ANKRD36C: variants seen among roughly 807,000 people sequenced by gnomAD.
The protein encoded by ANKRD36C is ankyrin repeat domain 36C.
A neutral mutation model predicts 276.4 loss-of-function variants in ANKRD36C; 61 were observed. That is an observed-to-expected ratio of 0.22 (90% CI 0.18 to 0.27). The LOEUF is 0.27. Ranked by LOEUF, ANKRD36C falls within the 10% of genes least tolerant of loss-of-function variation. The probability of loss-of-function intolerance (pLI) is 1.00; values close to 1 mark genes in which losing one functional copy is unlikely to be tolerated. For synonymous variants in ANKRD36C, 483 were observed against 680.1 expected, an observed-to-expected ratio of 0.71 and a Z score of 4.51; for missense variants, 1,447 against 2,032.3, an observed-to-expected ratio of 0.71 and a Z score of 5.54.
intron 36 of ANKRD36C, among the ~76,000 whole-genome samples, chr2:95,917,471 G>C (rs1677134315): frequency 6.6e-6 from 1 of 151,498 alleles, no homozygotes; most frequent in Admixed American, 6.6e-5. Flanking sequence ...TCAGTTTTCT[G>C]TCTTTTCTCA....
In ANKRD36C at chr2:95,944,067, C is replaced by G. The variant is rs192424655; in HGVS notation, c.1491+560G>C. On this transcript the variant is annotated intron_variant, in intron 19 of 66. Transcript: ENST00000456556. ...TCTTCCAATACTTTATTAAAATCACCCGTAAGTCACTCAGAAGAATCTGAG... is the reference window on the plus strand; with the variant it reads ...TCTTCCAATACTTTATTAAAATCACGCGTAAGTCACTCAGAAGAATCTGAG... Among the ~76,000 whole-genome samples the G allele has an allele frequency of 2.6e-3, 397 of 152,106 alleles. 4 individuals carry two copies. The highest frequency in any genetic ancestry group is 0.021 in the Middle Eastern group (6 of 292).
At chr2:95,956,490 C>G (rs1036674414) in intron 13 of ANKRD36C, among the ~76,000 whole-genome samples, 23 of 152,200 alleles carry the variant, frequency 1.5e-4, no homozygotes, top group African/African-American at 5.1e-4. Flanking sequence ...TGCTTAGGGG[C>G]AAATGAAGTG....
chr2:95,965,455 T>C (rs1211119777), intron 6 of ANKRD36C, among the ~76,000 whole-genome samples: 2 of 152,170 alleles, frequency 1.3e-5, no homozygotes, highest in African/African-American at 4.8e-5. Flanking sequence ...ACTGTCATTC[T>C]CTGAAAAGCA....
intron 5 of ANKRD36C, among the ~76,000 whole-genome samples, chr2:95,980,207 A>G (rs1369481518): frequency 6.6e-6 from 1 of 152,048 alleles, no homozygotes; most frequent in African/African-American, 2.4e-5. Flanking sequence ...CCTTGGACTT[A>G]GGGAACCCCT....
chr2:95,873,599 A>T (rs529844316), intron 59 of ANKRD36C, among the ~76,000 whole-genome samples: 20 of 152,364 alleles, frequency 1.3e-4, no homozygotes, highest in Admixed American at 4.6e-4. Context: ...TCCCTTTGAA[A>T]ACTGGCACAA....
intron 61 of ANKRD36C, among the ~76,000 whole-genome samples, chr2:95,858,441 G>A (rs1675477582): frequency 6.6e-6 from 1 of 152,098 alleles, no homozygotes; most frequent in Non-Finnish European, 1.5e-5. Flanking sequence ...AGAACATCCT[G>A]CATAAGTTTC....
rs561393416 is a variant in ANKRD36C at position 95,853,638 on chromosome 2, C to A, written c.5148+71G>T. On this transcript the variant is annotated intron_variant, in intron 64 of 66. Coordinates refer to ENST00000456556, the Ensembl canonical transcript of ANKRD36C. ...AGAAAGCCATCCACTAAAATTAGTA[C>A]CCCAAAACACTTTATATTAGTTAAC... The A allele has an allele frequency of 1.1e-5, 16 of 1,504,270 alleles. No individual in the cohort carries two copies. The South Asian group carries it at 1.6e-4, about 15-fold the overall frequency. The allele number at this position is 1,504,270 out of a possible 1,614,324, so 93.2% of individuals were successfully genotyped here. A position where few individuals can be genotyped will look rare whatever the true frequency, so the allele number is the denominator to read the frequency against.
chr2:95,891,018 T>C (rs1676338409), intron 46 of ANKRD36C, among the ~76,000 whole-genome samples: 2 of 151,450 alleles, frequency 1.3e-5, no homozygotes, highest in Non-Finnish European at 3.0e-5. Context: ...AGAGGAGTAA[T>C]GAGTCAGTGT....
chr2:95,911,379 G>A (rs1479693157), intron 42 of ANKRD36C, among the ~76,000 whole-genome samples: 1 of 151,338 alleles, frequency 6.6e-6, no homozygotes, highest in Non-Finnish European at 1.5e-5. Flanking sequence ...ATCACTCTAG[G>A]ACTTAATTAG....
chr2:95,893,124 GT>G (rs1211349842), intron 44 of ANKRD36C, among the ~76,000 whole-genome samples: 1 of 151,332 alleles, frequency 6.6e-6, no homozygotes, highest in East Asian at 2.0e-4. Flanking sequence ...GGTCTCCTTA[GT>G]TCTCCTACAG....
At chr2:95,925,729 C>T (rs567513058) in intron 28 of ANKRD36C, among the ~76,000 whole-genome samples, 182 bp from the exon 29 acceptor site, 65 of 151,558 alleles carry the variant, frequency 4.3e-4, no homozygotes, top group African/African-American at 7.2e-4. Flanking sequence ...TAGGAATACA[C>T]GCTTCCAGAA....
At chr2:95,960,712 T>C in intron 8 of ANKRD36C, 45 bp from the exon 9 acceptor site, 1 of 782,202 alleles carries the variant, frequency 1.3e-6, no homozygotes, top group Non-Finnish European at 2.0e-6. Flanking sequence ...GTAAATATGA[T>C]AAAGTTATCC....
chr2:95,917,298 T>A (rs958508123), intron 36 of ANKRD36C, among the ~76,000 whole-genome samples: 1 of 151,626 alleles, frequency 6.6e-6, no homozygotes. Flanking sequence ...TCCAAATGCA[T>A]GTGAAGTGAG....
intron 60 of ANKRD36C, among the ~76,000 whole-genome samples, chr2:95,861,932 G>A (rs1337505776): frequency 1.3e-5 from 2 of 151,756 alleles, no homozygotes; most frequent in African/African-American, 4.8e-5. Context: ...CTGAGCAGGT[G>A]TGGCTGTATT....
At chr2:95,953,690 A>T (rs1678256851) in intron 14 of ANKRD36C, among the ~76,000 whole-genome samples, 1 of 152,128 alleles carries the variant, frequency 6.6e-6, no homozygotes, top group South Asian at 2.1e-4. Context: ...TTTTTCTGTC[A>T]CTGTGTATTT....
At position 95,897,572 on chromosome 2, in the gene ANKRD36C, G is replaced by A. The variant is rs1050028973; in HGVS notation, c.2755+1573C>T. The A allele has an allele frequency of 8.0e-5, 114 of 1,424,818 alleles. 4 individuals are homozygous for A. Among genetic ancestry groups the A allele is most frequent in the East Asian group, 2.3e-4 (9 of 39,280 alleles). The allele number at this position is 1,424,818 out of a possible 1,614,324, so 88.3% of individuals were successfully genotyped here. A position where few individuals can be genotyped will look rare whatever the true frequency, so the allele number is the denominator to read the frequency against. On this transcript the variant is annotated intron_variant, in intron 44 of 66. Transcript: ENST00000456556. The stretch of plus-strand genomic sequence containing the variant: ...CCTCCGTCCTCCTGCCTGTATTAGC[G>A]TAGGCTTTGATGGCTTCTACTTTGT...
intron 44 of ANKRD36C, among the ~76,000 whole-genome samples, chr2:95,892,534 A>T (rs966722421): frequency 1.3e-5 from 2 of 151,556 alleles, no homozygotes; most frequent in Non-Finnish European, 3.0e-5. Flanking sequence ...AAAGGACAAT[A>T]TATTAGCCTC....
Position 95,889,972 on chromosome 2 carries a change from G to T in ANKRD36C, c.2880C>A (p.Ala960=), listed in dbSNP as rs1239775762. 6.2e-6 allele frequency: 10 copies of T among 1,609,780 alleles called. 1 individual carries two copies. Among genetic ancestry groups the T allele is most frequent in the African/African-American group, 1.3e-5 (1 of 74,720 alleles). The change falls in exon 47 of 67, where the codon GCC becomes GCA. Residue 960 remains alanine, a synonymous_variant. Coordinates refer to ENST00000456556, the Ensembl canonical transcript of ANKRD36C. ...TAAATGAGAGTTTAATTACCTTCAA[G>T]GCTGGTTGTTTATGAGAAGACACTG...
At chr2:95,852,971 C>G (rs1475434113) in intron 64 of ANKRD36C, 6 of 152,208 alleles carry the variant, frequency 3.9e-5, no homozygotes, top group African/African-American at 9.7e-5. Context: ...AAAGGAGAAG[C>G]CCTGTTGTCT....
Sources: allele counts gnomAD v4.1 joint callset (sites outside exome capture counted in the v4.1 genomes callset), GRCh38; gene constraint gnomAD v4.1.1; transcripts MANE v1.5; gene names NCBI Gene and HGNC (gene_info 2026-07-23, HGNC 2026-07-21).